The following CNTNAP4 variants were observed in gnomAD, a reference collection of about 807,000 sequenced individuals.
CNTNAP4 encodes contactin-associated protein-like 4.
A neutral mutation model predicts 148.4 loss-of-function variants in CNTNAP4; 98 were observed. That is an observed-to-expected ratio of 0.66 (90% CI 0.56 to 0.78). The LOEUF is 0.78. CNTNAP4 is among the 30% of genes least tolerant of loss of function. The pLI is 0.00. For synonymous variants in CNTNAP4, 730 were observed against 565.1 expected (o/e 1.29, Z -4.14); for missense variants, 1,935 against 1,565.6 (o/e 1.24, Z -3.98).
intron 1 of CNTNAP4, among the ~76,000 whole-genome samples, chr16:76,297,834 A>T (rs1223007859): frequency 1.3e-5 from 2 of 152,180 alleles, no homozygotes; most frequent in Non-Finnish European, 2.9e-5. Context: ...ATCTGTTAAA[A>T]ACTTTTATTT....
intron 1 of CNTNAP4, among the ~76,000 whole-genome samples, chr16:76,291,634 T>C (rs1481067428): frequency 2.0e-5 from 3 of 152,220 alleles, no homozygotes; most frequent in Admixed American, 2.0e-4. Flanking sequence ...ACTTTCCCAC[T>C]TCGTAATCAG....
chr16:76,481,288 A>C (rs1045110427), intron 12 of CNTNAP4, among the ~76,000 whole-genome samples: 3 of 152,262 alleles, frequency 2.0e-5, no homozygotes, highest in African/African-American at 7.2e-5. Flanking sequence ...GCCACTAGCA[A>C]GTGCCTATTT....
chr16:76,421,748 G>T (rs909694017), intron 3 of CNTNAP4, among the ~76,000 whole-genome samples: 1 of 152,108 alleles, frequency 6.6e-6, no homozygotes, highest in African/African-American at 2.4e-5. Flanking sequence ...ACACATGTAG[G>T]TCACAAGAAT....
intron 3 of CNTNAP4, among the ~76,000 whole-genome samples, chr16:76,381,622 A>G (rs1215361135): frequency 6.6e-6 from 1 of 152,164 alleles, no homozygotes; most frequent in Admixed American, 6.5e-5. Context: ...TACCCCTCAC[A>G]TTTGTTTAAT....
chr16:76,366,056 T>C (rs2014086097), intron 3 of CNTNAP4, among the ~76,000 whole-genome samples: 1 of 152,190 alleles, frequency 6.6e-6, no homozygotes, highest in Non-Finnish European at 1.5e-5. Context: ...GTCTTTTATG[T>C]TTTAATTTTT....
chr16:76,423,392 A>C (rs2079261577), intron 3 of CNTNAP4, among the ~76,000 whole-genome samples: 1 of 152,170 alleles, frequency 6.6e-6, no homozygotes, highest in Non-Finnish European at 1.5e-5. Flanking sequence ...AATTTAGTAC[A>C]CAGGTGCAAG....
intron 2 of CNTNAP4, among the ~76,000 whole-genome samples, chr16:76,349,760 T>A (rs1965219779): frequency 6.6e-6 from 1 of 152,172 alleles, no homozygotes; most frequent in Admixed American, 6.5e-5. Context: ...TTCAATTATG[T>A]TCACTTGTGT....
At chr16:76,373,240 AATAGGTGAATATATTCCACATAT>A (rs1449923038) in intron 3 of CNTNAP4, among the ~76,000 whole-genome samples, 35,709 of 146,372 alleles carry the variant, frequency 0.24, 10,825 homozygotes, top group Non-Finnish European at 0.28. Flanking sequence ...ATTCCACATA[AATAGGTGAATATATTCCACATAT>A]ATATGTGAAA....
intron 1 of CNTNAP4, among the ~76,000 whole-genome samples, chr16:76,310,691 A>T (rs1320049204): frequency 6.6e-6 from 1 of 152,204 alleles, no homozygotes; most frequent in African/African-American, 2.4e-5. Flanking sequence ...TATGGGACAT[A>T]CGATTCATTA....
Position 76,452,832 on chromosome 16 carries a change from C to T in CNTNAP4, c.1333+63C>T, listed in dbSNP as rs901959412. 3 of 1,397,168 alleles carry T rather than the reference C, an allele frequency of 2.1e-6. No homozygotes were observed. In the East Asian group the frequency reaches 7.5e-5, roughly 35 times the overall value. The allele number at this position is 1,397,168 out of a possible 1,614,324, so 86.5% of individuals were successfully genotyped here. ...TGAAAGATTTCATTATCTCTGTGGC[C>T]AAATTTTATGCATAACCAAAAATGT... On this transcript the variant is annotated intron_variant, in intron 8 of 23. Coordinates refer to ENST00000611870, the MANE Select transcript of CNTNAP4 (RefSeq NM_033401.5).
chr16:76,489,971 G>T (rs2082155160), intron 13 of CNTNAP4, 88 bp downstream of exon 13: 6 of 843,626 alleles, frequency 7.1e-6, no homozygotes, highest in Non-Finnish European at 1.0e-5. Flanking sequence ...TCTGCAAAGT[G>T]GTGGTGTCTA....
chr16:76,340,874 C>T (rs1010740635), intron 2 of CNTNAP4, among the ~76,000 whole-genome samples: 7 of 152,168 alleles, frequency 4.6e-5, no homozygotes, highest in African/African-American at 1.7e-4. Context: ...CAATGTACTC[C>T]TTAGAATCCT....
chr16:76,536,396 A>G (rs758812432), intron 18 of CNTNAP4, among the ~76,000 whole-genome samples: 11 of 152,028 alleles, frequency 7.2e-5, no homozygotes, highest in Non-Finnish European at 1.6e-4. Context: ...GTGTTTCACC[A>G]TGTTGCCCAG....
chr16:76,476,082 A>T (rs144119387), intron 11 of CNTNAP4, 37 bp downstream of exon 11: 2 of 1,433,748 alleles, frequency 1.4e-6, no homozygotes, highest in Admixed American at 1.7e-5. Context: ...TGCCCCTGTG[A>T]TGGTTTCTTT....
chr16:76,329,150 A>C (rs1444565680), intron 2 of CNTNAP4, among the ~76,000 whole-genome samples: 1 of 152,314 alleles, frequency 6.6e-6, no homozygotes, highest in Admixed American at 6.5e-5. Context: ...CATGGTAAAA[A>C]CTCATTTGAG....
At position 76,447,993 on chromosome 16, in the gene CNTNAP4, C is replaced by T. The variant is rs2080312843; in HGVS notation, c.539-19C>T. The T allele has an allele frequency of 6.4e-7, 1 of 1,562,124 alleles. No individual in the cohort carries two copies. Among genetic ancestry groups the T allele is most frequent in the African/African-American group, 1.4e-5 (1 of 73,746 alleles). ...AAGATATTTATCCTTAGAATGCCTT[C>T]TACTATCTTTGTTTCTAGGATCAGA... On this transcript the variant is annotated intron_variant, in intron 4 of 23. Transcript: ENST00000611870.
intron 7 of CNTNAP4, among the ~76,000 whole-genome samples, chr16:76,452,066 T>A (rs964169061): frequency 6.6e-6 from 1 of 152,164 alleles, no homozygotes; most frequent in African/African-American, 2.4e-5. Flanking sequence ...AATGTTTTTT[T>A]TTTTTTCCCT....
chr16:76,378,596 G>GT (rs1187484361), intron 3 of CNTNAP4, among the ~76,000 whole-genome samples: 1 of 152,324 alleles, frequency 6.6e-6, no homozygotes, highest in South Asian at 2.1e-4. Flanking sequence ...ACCTTTCTGA[G>GT]TAGACCTTGG....
At chr16:76,412,077 C>T (rs550959269) in intron 3 of CNTNAP4, among the ~76,000 whole-genome samples, 39 of 151,450 alleles carry the variant, frequency 2.6e-4, no homozygotes, top group African/African-American at 8.4e-4. Context: ...TATCTGGCTC[C>T]TTGGGTTAAC....
Sources: gnomAD v4.1 joint callset for allele counts (sites outside exome capture counted in the v4.1 genomes callset) on GRCh38, gnomAD v4.1.1 for gene constraint, MANE v1.5 for transcripts, NCBI Gene and HGNC (gene_info 2026-07-23, HGNC 2026-07-21) for gene names.